The following DACH2 variants were observed in gnomAD, a reference collection of about 807,000 sequenced individuals.
DACH2 encodes dachshund family transcription factor 2, also known as dachshund homolog 2.
DACH2 carries 17 observed loss-of-function variants against 35.8 expected under a neutral mutation model. The observed-to-expected ratio is 0.48, with a 90% CI of 0.33 to 0.71. The LOEUF (loss-of-function observed/expected upper bound fraction) is 0.71, where lower values mean the gene tolerates loss of function less well. Ranked by LOEUF, DACH2 falls within the 30% of genes least tolerant of loss-of-function variation. The pLI is 0.02. For synonymous variants in DACH2, 195 were observed against 177.3 expected, an observed-to-expected ratio of 1.10 and a Z score of -0.79; for missense variants, 469 against 472.7, an observed-to-expected ratio of 0.99 and a Z score of 0.07.
chrX:86,161,119 T>A, intron 1 of DACH2: 1 of 1,123,321 alleles, frequency 8.9e-7, no homozygotes, highest in Non-Finnish European at 1.2e-6. Context: ...CCAATTTTCT[T>A]AATGTAAGTG....
intron 2 of DACH2, among the ~76,000 whole-genome samples, chrX:86,450,183 G>A (rs1377918191): frequency 9.0e-6 from 1 of 110,593 alleles, no homozygotes; most frequent in Non-Finnish European, 1.9e-5. Flanking sequence ...TAGGTATTAA[G>A]CCTGACATTC....
chrX:86,642,847 C>T (rs1334037857), intron 3 of DACH2, among the ~76,000 whole-genome samples: 4 of 111,442 alleles, frequency 3.6e-5, no homozygotes, highest in Non-Finnish European at 5.7e-5. Flanking sequence ...CAACATGCTC[C>T]TGAAAGATTT....
chrX:86,394,077 CA>C (rs1345198174), intron 2 of DACH2, among the ~76,000 whole-genome samples: 1 of 108,886 alleles, frequency 9.2e-6, no homozygotes, highest in African/African-American at 3.3e-5. Context: ...TTCAGGGTAT[CA>C]ATGATCACCT....
chrX:86,178,938 C>T (rs2031391317), intron 1 of DACH2, among the ~76,000 whole-genome samples: 1 of 111,828 alleles, frequency 8.9e-6, no homozygotes, highest in African/African-American at 3.2e-5. Context: ...GCAACCAAGA[C>T]TAAATTAACT....
chrX:86,434,818 G>A (rs1386114962), intron 2 of DACH2, among the ~76,000 whole-genome samples: 2 of 111,766 alleles, frequency 1.8e-5, no homozygotes, highest in African/African-American at 6.5e-5. Flanking sequence ...AGGAATCATG[G>A]TGCTGACATC....
Position 86,745,460 on chromosome X carries a change from T to C in DACH2, c.1240+5578T>C, listed in dbSNP as rs755424955. Among the ~76,000 whole-genome samples the C allele has an allele frequency of 1.1e-3, 125 of 111,105 alleles. 1 individual carries two copies. The highest frequency in any genetic ancestry group is 3.9e-3 in the African/African-American group (119 of 30,631). Reference sequence around the variant, plus strand: ...GGCCCCAGTGTCTGTGGTTCTTTTCTTTGTTTCTATGTGTTCTCAATATTT... The same window carrying C: ...GGCCCCAGTGTCTGTGGTTCTTTTCCTTGTTTCTATGTGTTCTCAATATTT... On this transcript the variant is annotated intron_variant, in intron 7 of 11. Coordinates refer to ENST00000373125, the MANE Select transcript of DACH2 (RefSeq NM_053281.3).
intron 1 of DACH2, among the ~76,000 whole-genome samples, chrX:86,361,060 T>A (rs2035732277): frequency 9.0e-6 from 1 of 111,695 alleles, no homozygotes; most frequent in African/African-American, 3.2e-5. Context: ...AAGAACAGCT[T>A]ATCTTTTTTC....
rs566240586 is a variant in DACH2 at position 86,660,609 on chromosome X, T to C, written c.772+9442T>C. 1.1e-3 allele frequency among the ~76,000 whole-genome samples: 122 copies of C among 112,032 alleles called. 1 individual carries two copies. The highest frequency in any genetic ancestry group is 9.6e-3 in the Middle Eastern group (2 of 209). On this transcript the variant is annotated intron_variant, in intron 4 of 11. Coordinates refer to ENST00000373125, the MANE Select transcript of DACH2 (RefSeq NM_053281.3). ...AGTTTACAATAAGTAATTATTGGTA[T>C]ACACTATCATTTAAGAAGTATTCCT...
At chrX:86,714,780 T>C (rs147817660) in intron 6 of DACH2, 60 bp downstream of exon 6, 12,972 of 1,003,474 alleles carry the variant, frequency 0.013, 76 homozygotes, top group Non-Finnish European at 0.015. Context: ...TTTGATAAAA[T>C]ATTTACAATC....
At chrX:86,597,426 C>T (rs776964392) in intron 3 of DACH2, among the ~76,000 whole-genome samples, 48 of 111,921 alleles carry the variant, frequency 4.3e-4, no homozygotes, top group African/African-American at 1.4e-3. Flanking sequence ...CATCTTTCAT[C>T]CTTTGGTTAT....
chrX:86,468,280 C>A (rs1167936308), intron 2 of DACH2, among the ~76,000 whole-genome samples: 1 of 111,180 alleles, frequency 9.0e-6, no homozygotes, highest in Non-Finnish European at 1.9e-5. Flanking sequence ...TTTGGTCTTA[C>A]AATATTACTG....
chrX:86,196,238 GAACATT>G (rs1569298286), intron 1 of DACH2, among the ~76,000 whole-genome samples: 1 of 111,651 alleles, frequency 9.0e-6, no homozygotes, highest in East Asian at 2.8e-4. Flanking sequence ...GTATAGAAAA[GAACATT>G]AACTGATAGA....
At chrX:86,796,980 A>G (rs1484361654) in intron 7 of DACH2, among the ~76,000 whole-genome samples, 3 of 111,708 alleles carry the variant, frequency 2.7e-5, no homozygotes, top group African/African-American at 9.8e-5. Context: ...ACAATAACTG[A>G]TGGAAATATA....
chrX:86,600,080 G>A (rs1199309672), intron 3 of DACH2, among the ~76,000 whole-genome samples: 1 of 111,943 alleles, frequency 8.9e-6, no homozygotes, highest in Non-Finnish European at 1.9e-5. Flanking sequence ...TGGGAAAAGA[G>A]GGAGGCCTGT....
At chrX:86,362,519 T>C (rs2035753098) in intron 1 of DACH2, among the ~76,000 whole-genome samples, 1 of 111,500 alleles carries the variant, frequency 9.0e-6, no homozygotes, top group Admixed American at 9.6e-5. Context: ...AGGATTGTTT[T>C]GAAAAAAGTT....
In DACH2 at chrX:86,525,358, A is replaced by G. The variant is rs746590077; in HGVS notation, c.640+10967A>G. Among the ~76,000 whole-genome samples the G allele has an allele frequency of 3.6e-5, 4 of 112,013 alleles. No individual in the cohort carries two copies. In the East Asian group the frequency reaches 1.1e-3, roughly 31 times the overall value. On this transcript the variant is annotated intron_variant, in intron 3 of 11. Transcript: ENST00000373125. ...CTGTCGTTGATCATATAACTTCAAT[A>G]AAATAAAACACTTTAATTTTCTTTT... is the stretch of plus-strand genomic sequence containing the variant.
At chrX:86,729,368 T>A (rs759821971) in intron 6 of DACH2, among the ~76,000 whole-genome samples, 4 of 112,259 alleles carry the variant, frequency 3.6e-5, no homozygotes, top group Non-Finnish European at 5.6e-5. Flanking sequence ...GTAAGTAATT[T>A]GAATTAATTG....
intron 3 of DACH2, among the ~76,000 whole-genome samples, chrX:86,630,875 C>A (rs2040193221): frequency 9.0e-6 from 1 of 111,065 alleles, no homozygotes; most frequent in Non-Finnish European, 1.9e-5. Context: ...AAGGTAACTG[C>A]AAATTCACTG....
intron 2 of DACH2, among the ~76,000 whole-genome samples, chrX:86,399,076 G>T (rs1211829891): frequency 9.0e-6 from 1 of 111,534 alleles, no homozygotes; most frequent in Non-Finnish European, 1.9e-5. Context: ...CTCCTGTATT[G>T]GGTGCATATA....
Sources: gnomAD v4.1 joint callset for allele counts (sites outside exome capture counted in the v4.1 genomes callset) on GRCh38, gnomAD v4.1.1 for gene constraint, MANE v1.5 for transcripts, NCBI Gene and HGNC (gene_info 2026-07-23, HGNC 2026-07-21) for gene names.